Variants in TMEM131L observed in about 807,000 individuals in gnomAD.
TMEM131L encodes the protein transmembrane protein 131-like.
In TMEM131L, 54 loss-of-function variants were observed where a neutral mutation model predicts 192.2. The observed-to-expected ratio is 0.28, with a 90% CI of 0.23 to 0.35. The LOEUF is 0.35. Among genes scored for constraint, TMEM131L ranks in the 10% least tolerant of loss-of-function variants. The pLI is 1.00. For missense variants in TMEM131L, 1,888 were observed against 1,972.9 expected (o/e 0.96, Z 0.82); for synonymous variants, 701 against 704.9 (o/e 0.99, Z 0.09).
intron 3 of TMEM131L, among the ~76,000 whole-genome samples, chr4:153,484,368 A>G (rs534042267): frequency 1.3e-5 from 2 of 152,302 alleles, no homozygotes; most frequent in African/African-American, 4.8e-5. Flanking sequence ...ATGATATGAG[A>G]AAAAGTCTTG....
chr4:153,564,287 C>CAAAAA (rs1178320668), intron 7 of TMEM131L, among the ~76,000 whole-genome samples: 308 of 17,636 alleles, frequency 0.017, 31 homozygotes, highest in African/African-American at 0.038. Context: ...AACTCCGTCT[C>CAAAAA]AAAAAAAAAA....
intron 3 of TMEM131L, among the ~76,000 whole-genome samples, chr4:153,545,270 G>A (rs1436294329): frequency 6.8e-6 from 1 of 146,278 alleles, no homozygotes; most frequent in Non-Finnish European, 1.5e-5. Context: ...AATTTCTCTT[G>A]TATCAGCCAC....
intron 7 of TMEM131L, 77 bp downstream of exon 7, chr4:153,558,445 T>C (rs1312708006): frequency 1.3e-6 from 1 of 762,048 alleles, no homozygotes; most frequent in Non-Finnish European, 2.1e-6. Flanking sequence ...TATTTTACTA[T>C]TTTCTGCTTT....
At chr4:153,467,128 G>A in intron 1 of TMEM131L, 83 bp from the exon 2 acceptor site, 7 of 1,315,842 alleles carry the variant, frequency 5.3e-6, no homozygotes, top group South Asian at 5.1e-5. Flanking sequence ...TGAGGCGGGG[G>A]GCACGGAGGG....
intron 3 of TMEM131L, among the ~76,000 whole-genome samples, chr4:153,514,538 G>T (rs1185434836): frequency 6.6e-6 from 1 of 152,114 alleles, no homozygotes; most frequent in African/African-American, 2.4e-5. Context: ...TCTCTTTAAA[G>T]CCCTCTACAA....
At position 153,580,819 on chromosome 4, in the gene TMEM131L, CT is replaced by C. The variant is rs774586807; in HGVS notation, c.661-3del. 5 of 1,593,124 alleles carry C rather than the reference CT, an allele frequency of 3.1e-6. No homozygotes were observed. The Admixed American group carries it at 6.8e-5, about 22-fold the overall frequency. On this transcript the variant is annotated splice_region_variant and splice_polypyrimidine_tract_variant and intron_variant, in intron 7 of 34. Coordinates refer to ENST00000409959, the MANE Select transcript of TMEM131L (RefSeq NM_001131007.2). ...AAAGTTCTTTTCCTCCTTTTTTCTT[CT>C]TTTAGGCAGAAACCACTAATACTAG...
chr4:153,510,521 G>A (rs1734281262), intron 3 of TMEM131L, among the ~76,000 whole-genome samples: 1 of 152,124 alleles, frequency 6.6e-6, no homozygotes, highest in Non-Finnish European at 1.5e-5. Flanking sequence ...TGCTGGGGCT[G>A]CTGGGAAAGT....
chr4:153,630,472 G>A (rs931301741), intron 31 of TMEM131L, among the ~76,000 whole-genome samples: 8 of 152,152 alleles, frequency 5.3e-5, no homozygotes, highest in African/African-American at 1.9e-4. Context: ...CATTACTCCA[G>A]GTACAGCAGG....
At chr4:153,593,648 G>A (rs28368477) in intron 18 of TMEM131L, 151 bp from the exon 19 acceptor site, 13,733 of 599,286 alleles carry the variant, frequency 0.023, 503 homozygotes, top group Admixed American at 0.12. Flanking sequence ...GGGGTGGAAT[G>A]TCGGGTGGAC....
At chr4:153,588,131 T>A (rs577889142) in intron 15 of TMEM131L, among the ~76,000 whole-genome samples, 1 of 151,120 alleles carries the variant, frequency 6.6e-6, no homozygotes, top group East Asian at 2.0e-4. Context: ...ATGAAAGAAC[T>A]GACTAGAAGT....
intron 3 of TMEM131L, among the ~76,000 whole-genome samples, chr4:153,538,222 G>A (rs908627055): frequency 1.3e-5 from 2 of 152,292 alleles, no homozygotes; most frequent in Non-Finnish European, 1.5e-5. Context: ...TCACCTGTGT[G>A]CTCCTTCTAG....
chr4:153,519,199 C>T (rs1734942830), intron 3 of TMEM131L, among the ~76,000 whole-genome samples: 1 of 151,956 alleles, frequency 6.6e-6, no homozygotes, highest in Non-Finnish European at 1.5e-5. Flanking sequence ...ACTTTCTGTT[C>T]TTTACTTAGA....
chr4:153,575,896 G>GT, intron 7 of TMEM131L, among the ~76,000 whole-genome samples: 1 of 151,964 alleles, frequency 6.6e-6, no homozygotes, highest in Non-Finnish European at 1.5e-5. Context: ...CTAGTATGTG[G>GT]TTGCCCCCTG....
chr4:153,535,989 A>G (rs767064563), intron 3 of TMEM131L, among the ~76,000 whole-genome samples: 1 of 151,978 alleles, frequency 6.6e-6, no homozygotes, highest in Non-Finnish European at 1.5e-5. Context: ...CTTCTTTTGG[A>G]ATGGGTATTT....
At chr4:153,471,494 C>G (rs985778463) in intron 2 of TMEM131L, among the ~76,000 whole-genome samples, 5 of 152,160 alleles carry the variant, frequency 3.3e-5, no homozygotes, top group African/African-American at 1.2e-4. Context: ...ATGAGGTTGG[C>G]TAAGTCTGCA....
chr4:153,529,616 G>A (rs138048158), intron 3 of TMEM131L, among the ~76,000 whole-genome samples: 1 of 152,266 alleles, frequency 6.6e-6, no homozygotes, highest in Non-Finnish European at 1.5e-5. Flanking sequence ...ATTAAATCTA[G>A]GAGGAAAAGT....
chr4:153,526,843 T>C (rs1272368161), intron 3 of TMEM131L, among the ~76,000 whole-genome samples: 1 of 152,196 alleles, frequency 6.6e-6, no homozygotes, highest in East Asian at 1.9e-4. Flanking sequence ...TGTAAAATGC[T>C]GCAGAAACAC....
intron 3 of TMEM131L, among the ~76,000 whole-genome samples, chr4:153,516,240 A>G (rs1373147720): frequency 2.0e-5 from 3 of 152,070 alleles, no homozygotes; most frequent in East Asian, 1.9e-4. Context: ...AATGTTCTAT[A>G]ATTTTAAAAT....
At chr4:153,579,919 G>T (rs972059819) in intron 7 of TMEM131L, among the ~76,000 whole-genome samples, 8 of 152,242 alleles carry the variant, frequency 5.3e-5, no homozygotes, top group Non-Finnish European at 1.2e-4. Flanking sequence ...TCTTTCCTGG[G>T]TTTTTAAATA....
Sources: gnomAD v4.1 joint callset for allele counts (sites outside exome capture counted in the v4.1 genomes callset) on GRCh38, gnomAD v4.1.1 for gene constraint, MANE v1.5 for transcripts, NCBI Gene and HGNC (gene_info 2026-07-23, HGNC 2026-07-21) for gene names.